The following PRSS23 variants were observed in gnomAD, a reference collection of about 807,000 sequenced individuals.
PRSS23 encodes serine protease 23, also known as protease, serine 23.
PRSS23 carries 25 observed loss-of-function variants against 34.7 expected under a neutral mutation model. The observed-to-expected ratio is 0.72, with a 90% CI of 0.53 to 1.01. The LOEUF is 1.01. Among genes scored for constraint, PRSS23 ranks in the 50% least tolerant of loss-of-function variants. PRSS23 has a pLI of 0.00. For missense variants in PRSS23, 445 were observed against 475.6 expected (o/e 0.94, Z 0.60); for synonymous variants, 176 against 186.6 (o/e 0.94, Z 0.46).
At chr11:86,893,715 G>A (rs1948856592) in intron 2 of PRSS23, among the ~76,000 whole-genome samples, 1 of 152,086 alleles carries the variant, frequency 6.6e-6, no homozygotes, top group African/African-American at 2.4e-5. Context: ...TTAAATAAAA[G>A]TATATTCTTC....
chr11:86,947,910 A>G (rs1949257159), intron 2 of PRSS23: 2 of 152,270 alleles, frequency 1.3e-5, no homozygotes, highest in Non-Finnish European at 2.9e-5. Context: ...TAGGTTTCAG[A>G]GAAAGAAAAA....
chr11:86,820,041 A>G (rs1948241703), intron 1 of PRSS23, among the ~76,000 whole-genome samples: 3 of 152,208 alleles, frequency 2.0e-5, no homozygotes, highest in Admixed American at 2.0e-4. Context: ...CTATTCATCA[A>G]CACCCTTGGA....
At position 86,873,256 on chromosome 11, in the gene PRSS23, G is replaced by GTGTATATATATATA. The variant is rs142908794; in HGVS notation, c.206+49664_206+49665insGTATATATATATAT. Among the ~76,000 whole-genome samples the GTGTATATATATATA allele has an allele frequency of 1.8e-4, 22 of 121,152 alleles. 1 individual carries two copies. The highest frequency in any genetic ancestry group is 5.7e-4 in the African/African-American group (16 of 28,008). 79.5% of individuals were successfully genotyped at this position (121,152 alleles called of 152,430 possible). On this transcript the variant is annotated intron_variant, in intron 2 of 2. Coordinates refer to the PRSS23 transcript ENST00000533902. ...TATATACACACACACACATATATATGTATATATATATACACACACATATAT... is the reference window on the plus strand; with the variant it reads ...TATATACACACACACACATATATATGTGTATATATATATATATATATATATACACACACATATAT...
rs922670312 is a variant in PRSS23 at position 86,924,375 on chromosome 11, TACA to T, written c.207-26830_207-26828del. On this transcript the variant is annotated intron_variant, in intron 2 of 2. Coordinates refer to the PRSS23 transcript ENST00000533902. ...AACTCCTACAGCCATTTCTAGGGCC[TACA>T]ACAACAACAAAATGATGAGGGCATG... Among the ~76,000 whole-genome samples the T allele has an allele frequency of 1.2e-3, 181 of 152,256 alleles. 1 individual carries two copies. The highest frequency in any genetic ancestry group is 4.2e-3 in the African/African-American group (176 of 41,534).
rs531977351 is a variant in PRSS23 at position 86,819,456 on chromosome 11, G to A, written c.-11-3921G>A. Among the ~76,000 whole-genome samples, 14 of 152,118 alleles carry A rather than the reference G, an allele frequency of 9.2e-5. No homozygotes were observed. In the South Asian group the frequency reaches 1.5e-3, roughly 16 times the overall value. ...ACTTAGTTTAGTCTCTCAATATTTA[G>A]CAAGTTTGTTTAAAAATTACCATTC... is the stretch of plus-strand genomic sequence containing the variant. On this transcript the variant is annotated intron_variant, in intron 1 of 2. Transcript: ENST00000533902.
At chr11:86,903,987 A>G (rs7105275) in intron 2 of PRSS23, among the ~76,000 whole-genome samples, 150,455 of 152,268 alleles carry the variant, frequency 0.99, 74,406 homozygotes, top group Non-Finnish European at 1. Context: ...GCTTGAATTG[A>G]TAGCTTTTGC....
At chr11:86,952,113 C>T in exon 3 of PRSS23, 1 of 1,614,016 alleles carries the variant, frequency 6.2e-7, no homozygotes. Context: ...AACTCCTTGG[C>T]TGAGCGGCTG....
intron 2 of PRSS23, among the ~76,000 whole-genome samples, chr11:86,862,072 A>G (rs1452002894): frequency 2.0e-5 from 3 of 151,608 alleles, no homozygotes; most frequent in Non-Finnish European, 2.9e-5. Context: ...AAGGGAGAGG[A>G]TAATATTACT....
At chr11:86,890,857 A>G (rs1188291403) in intron 2 of PRSS23, among the ~76,000 whole-genome samples, 43 of 151,780 alleles carry the variant, frequency 2.8e-4, no homozygotes, top group Non-Finnish European at 2.4e-4. Flanking sequence ...CCTTAATAAA[A>G]CCCCTTATCT....
chr11:86,908,017 T>C (rs1018896354), intron 2 of PRSS23, among the ~76,000 whole-genome samples: 1 of 152,244 alleles, frequency 6.6e-6, no homozygotes, highest in Admixed American at 6.5e-5. Context: ...CATAATGTCC[T>C]CAAGATTCAT....
At chr11:86,951,399 C>T in exon 3 of PRSS23, 1 of 1,613,808 alleles carries the variant, frequency 6.2e-7, no homozygotes, top group Non-Finnish European at 8.5e-7. Flanking sequence ...AAATAACAGG[C>T]AATCACACAC....
In PRSS23 at chr11:86,849,097, A is replaced by G. The variant is rs533450709; in HGVS notation, c.206+25504A>G. On this transcript the variant is annotated intron_variant, in intron 2 of 2. Coordinates refer to the PRSS23 transcript ENST00000533902. ...CCTGGAGCAAGTGCCAGCTCATGCA[A>G]TCACCCTCACAGAGCCCTGGGTAAG... 5.8e-4 allele frequency among the ~76,000 whole-genome samples: 88 copies of G among 152,276 alleles called. 2 individuals carry two copies. The highest frequency in any genetic ancestry group is 1.8e-3 in the Admixed American group (27 of 15,294).
chr11:86,859,003 CT>C (rs529024196), intron 2 of PRSS23, among the ~76,000 whole-genome samples: 21 of 151,948 alleles, frequency 1.4e-4, no homozygotes, highest in African/African-American at 3.4e-4. Context: ...GATGATACTA[CT>C]CCCAATATCG....
intron 2 of PRSS23, among the ~76,000 whole-genome samples, chr11:86,878,954 CCGCCA>C (rs1948746776): frequency 1.5e-5 from 2 of 133,702 alleles, no homozygotes; most frequent in Admixed American, 7.3e-5. Flanking sequence ...CTCTGCCCGG[CCGCCA>C]TCCCGTCTAG....
intron 2 of PRSS23, among the ~76,000 whole-genome samples, chr11:86,845,188 T>C (rs1948477751): frequency 2.0e-5 from 3 of 152,158 alleles, no homozygotes; most frequent in Admixed American, 6.5e-5. Flanking sequence ...AACATAGATT[T>C]TTACTTTTGC....
chr11:86,870,282 A>G lies in PRSS23; in HGVS notation c.206+46689A>G, dbSNP rs921284309. On this transcript the variant is annotated intron_variant, in intron 2 of 2. Coordinates refer to the PRSS23 transcript ENST00000533902. ...GGAAAAAACAACAACAAAACCTACC[A>G]GAGCTGAAAGTCTTTTCCAAATTAT... Among the ~76,000 whole-genome samples, 8 of 152,142 alleles carry G rather than the reference A, an allele frequency of 5.3e-5. No individual in the cohort carries two copies. In the East Asian group the frequency reaches 1.5e-3, roughly 29 times the overall value.
At position 86,808,878 on chromosome 11, in the gene PRSS23, GCA is replaced by G. The variant is rs1469853569; in HGVS notation, c.*87_*88del. ...CCAAATTGTTTTTTGTCATTGGCGT[GCA>G]CACGTGTGTGTGTGTGTGTGTGTGT... On this transcript the variant is annotated 3_prime_UTR_variant, in exon 2 of 2. Transcript: ENST00000280258. 69 of 1,157,468 alleles carry G rather than the reference GCA, an allele frequency of 6.0e-5. 4 individuals carry two copies. The African/African-American group carries it at 7.2e-4, about 12-fold the overall frequency. 71.7% of individuals were successfully genotyped at this position (1,157,468 alleles called of 1,614,324 possible).
In PRSS23 at chr11:86,819,651, A is replaced by G. The variant is rs185941476; in HGVS notation, c.-11-3726A>G. Among the ~76,000 whole-genome samples, 263 of 152,256 alleles carry G rather than the reference A, an allele frequency of 1.7e-3. 1 individual carries two copies. Among genetic ancestry groups the G allele is most frequent in the African/African-American group, 6.2e-3 (259 of 41,548 alleles). ...GACTGGCAGGTTTGGAAAGGCATACACTGTGTATAGACACTCTCTCAGTAT... is the reference window on the plus strand; with the variant it reads ...GACTGGCAGGTTTGGAAAGGCATACGCTGTGTATAGACACTCTCTCAGTAT... On this transcript the variant is annotated intron_variant, in intron 1 of 2. Transcript: ENST00000533902.
intron 2 of PRSS23, among the ~76,000 whole-genome samples, chr11:86,878,968 A>G (rs1330730430): frequency 3.6e-5 from 4 of 110,536 alleles, no homozygotes; most frequent in East Asian, 3.1e-4. Flanking sequence ...CATCCCGTCT[A>G]GGAAGTGAGG....
Sources: allele counts gnomAD v4.1 joint callset (sites outside exome capture counted in the v4.1 genomes callset), GRCh38; gene constraint gnomAD v4.1.1; transcripts MANE v1.5; gene names NCBI Gene and HGNC (gene_info 2026-07-23, HGNC 2026-07-21).